The following ASB10 variants were observed in gnomAD, a reference collection of about 807,000 sequenced individuals.
The protein encoded by ASB10 is ankyrin repeat and SOCS box protein 10.
ASB10 carries 44 observed loss-of-function variants against 35.4 expected under a neutral mutation model. The ratio of observed to expected loss-of-function variants is 1.24; its 90% CI spans 0.98 to 1.60. The LOEUF (loss-of-function observed/expected upper bound fraction) is 1.60, where lower values mean the gene tolerates loss of function less well. Ranked by LOEUF, ASB10 falls within the 40% of genes most tolerant of loss-of-function variation. ASB10 has a pLI of 0.00. For synonymous variants in ASB10, 294 were observed against 280.4 expected, an observed-to-expected ratio of 1.05 and a Z score of -0.49; for missense variants, 647 against 634.3, an observed-to-expected ratio of 1.02 and a Z score of -0.22.
At chr7:151,179,732 T>G (rs1431826290) in intron 3 of ASB10, among the ~76,000 whole-genome samples, 1 of 152,160 alleles carries the variant, frequency 6.6e-6, no homozygotes, top group Non-Finnish European at 1.5e-5. Context: ...AGAGACAGGC[T>G]GAGAGGTGGA....
chr7:151,186,261 G>A, intron 2 of ASB10, 131 bp downstream of exon 2: 1 of 1,176,684 alleles, frequency 8.5e-7, no homozygotes, highest in Non-Finnish European at 1.2e-6. Flanking sequence ...GGAAGTAATT[G>A]CACCCTGACC....
At chr7:151,184,920 G>T (rs1256784180) in intron 2 of ASB10, among the ~76,000 whole-genome samples, 1 of 151,802 alleles carries the variant, frequency 6.6e-6, no homozygotes, top group Non-Finnish European at 1.5e-5. Context: ...TACTCGCGAG[G>T]CTGAGGCAGG....
In ASB10 at chr7:151,187,095, C is replaced by T. The variant is rs1351500110; in HGVS notation, c.36G>A (p.Gly12=). 4 of 1,601,390 alleles carry T rather than the reference C, an allele frequency of 2.5e-6. No homozygotes were observed. Among genetic ancestry groups the T allele is most frequent in the Admixed American group, 3.5e-5 (2 of 57,624 alleles). ...LMSWSPEECK[G]QGEPLDDRHP... ...GTCTGTCATCGAGGGGCTCTCCCTG[C>T]CCCTTGCACTCTTCTGGAGACCAAC... The change falls in exon 1 of 6, where the codon GGG becomes GGA. Residue 12 remains glycine, a synonymous_variant. Transcript: ENST00000420175. This position sits in a 1 kb window ranked among gnomAD's most constrained non-coding sequence, Gnocchi z 5.3.
rs763697610 is a variant in ASB10, at chr7:151,176,614, AAC to A, written c.1165_1166del (p.Val389CysfsTer14). 3.6e-5 allele frequency: 56 copies of A among 1,551,340 alleles called. No homozygotes were observed. In the Middle Eastern group the frequency reaches 5.0e-4, roughly 14 times the overall value. On this transcript the variant is annotated frameshift_variant, in exon 4 of 6. Transcript: ENST00000420175. LOFTEE classifies it high-confidence loss of function. ...TIEVLMNTYS[V>X]VQLPEEAVGL... ...CGACGGCCTCCTCGGGAAGCTGCACAACACTGTAGGTGTTCATCAGGACCTCG... is the reference window on the plus strand; with the variant it reads ...CGACGGCCTCCTCGGGAAGCTGCACAACTGTAGGTGTTCATCAGGACCTCG...
At chr7:151,177,313 GTTA>G (rs1283370275) in intron 3 of ASB10, among the ~76,000 whole-genome samples, 1 of 152,252 alleles carries the variant, frequency 6.6e-6, no homozygotes, top group East Asian at 1.9e-4. Context: ...AATATCCCAT[GTTA>G]TTATCCCATT....
chr7:151,179,440 G>A (rs1801448148), intron 3 of ASB10, among the ~76,000 whole-genome samples: 1 of 152,232 alleles, frequency 6.6e-6, no homozygotes, highest in Non-Finnish European at 1.5e-5. Flanking sequence ...GTTCCCCAGT[G>A]CTCTCCTACA....
chr7:151,187,657 CG>C (rs1801629031), upstream of ASB10: 1 of 1,523,374 alleles, frequency 6.6e-7, no homozygotes, highest in Non-Finnish European at 8.9e-7. The surrounding 1 kb of genome is among the most constrained non-coding windows in gnomAD (Gnocchi z 5.3). Context: ...TCCGGCAGGC[CG>C]GGGCGGAGGG....
In ASB10 at chr7:151,176,262, C is replaced by A; in HGVS notation, c.1254G>T (p.Leu418Phe). The A allele has an allele frequency of 6.3e-7, 1 of 1,576,660 alleles. No individual in the cohort carries two copies. The highest frequency in any genetic ancestry group is 8.6e-7 in the Non-Finnish European group (1 of 1,162,710). The change falls in exon 5 of 6, where the codon TTG (leucine) becomes TTT (phenylalanine). Residue 418 changes from leucine to phenylalanine, a missense_variant. Leu to Phe is a conservative substitution (Grantham distance 22). Transcript: ENST00000420175. ...HQRFYSSLFALVRQPRSLQHL... is the reference protein window; with the variant it reads ...HQRFYSSLFAFVRQPRSLQHL... ...GCTGCAGCGACCTGGGCTGCCTCACCAAGGCGAAGAGGGAGGAGTAGAAAC... is the reference window on the plus strand; with the variant it reads ...GCTGCAGCGACCTGGGCTGCCTCACAAAGGCGAAGAGGGAGGAGTAGAAAC...
intron 3 of ASB10, among the ~76,000 whole-genome samples, chr7:151,180,722 A>T (rs1801468804): frequency 6.6e-6 from 1 of 152,208 alleles, no homozygotes; most frequent in East Asian, 1.9e-4. Context: ...CACACCATGT[A>T]TACACATGCA....
chr7:151,175,781 C>T lies in ASB10; in HGVS notation c.*186G>A. ...CAGGAGAGCCCCAGTAGGAGTGTGTCTTCATCAGACATCACCCGGCTGCCG... is the reference window on the plus strand; with the variant it reads ...CAGGAGAGCCCCAGTAGGAGTGTGTTTTCATCAGACATCACCCGGCTGCCG... On this transcript the variant is annotated 3_prime_UTR_variant, in exon 6 of 6. Transcript: ENST00000420175. 8.7e-6 allele frequency: 3 copies of T among 346,338 alleles called. No homozygotes were observed. The highest frequency in any genetic ancestry group is 1.6e-5 in the Non-Finnish European group (3 of 188,930). The allele number at this position is 346,338 out of a possible 1,614,324, so 21.5% of individuals were successfully genotyped here.
At position 151,181,003 on chromosome 7, in the gene ASB10, T is replaced by C; in HGVS notation, c.1040A>G (p.Glu347Gly). 6.2e-7 allele frequency: 1 copy of C among 1,601,118 alleles called. No homozygotes were observed. Among genetic ancestry groups the C allele is most frequent in the Non-Finnish European group, 8.5e-7 (1 of 1,171,540 alleles). The change falls in exon 3 of 6, where the codon GAG (glutamate) becomes GGG (glycine). Residue 347 changes from glutamate to glycine, a missense_variant. Glu to Gly is a moderately conservative substitution (Grantham distance 98, BLOSUM62 -2). Transcript: ENST00000420175. The stretch of plus-strand genomic sequence containing the variant: ...GTTGAGCAGAGCCCGAACCACGTGC[T>C]CGGGGCTCTGGGCCAGGGCTGCAGC... ...GPAAALAQSP[E>G]HVVRALLNHG...
chr7:151,181,854 T>C (rs1375514098), intron 2 of ASB10, among the ~76,000 whole-genome samples: 2 of 152,126 alleles, frequency 1.3e-5, no homozygotes, highest in African/African-American at 4.8e-5. Flanking sequence ...CCTCAAGTGA[T>C]CCACCTGCCT....
intron 2 of ASB10, among the ~76,000 whole-genome samples, 156 bp from the exon 3 acceptor site, chr7:151,181,614 CTTT>C (rs34867888): frequency 4.4e-5 from 6 of 137,930 alleles, no homozygotes; most frequent in Non-Finnish European, 6.3e-5. Flanking sequence ...CAGTGCCCTT[CTTT>C]TTTTTTTTTT....
intron 3 of ASB10, among the ~76,000 whole-genome samples, chr7:151,179,714 T>G (rs1801451994): frequency 6.6e-6 from 1 of 152,158 alleles, no homozygotes. Flanking sequence ...GCCAGCCCCT[T>G]TGGTCCCAGA....
intron 2 of ASB10, among the ~76,000 whole-genome samples, chr7:151,184,551 G>A (rs942674138): frequency 6.6e-6 from 1 of 152,178 alleles, no homozygotes; most frequent in African/African-American, 2.4e-5. Flanking sequence ...TTCACATTCA[G>A]AGACAGAAAG....
Position 151,181,382 on chromosome 7 carries a change from C to T in ASB10, c.661G>A (p.Val221Met). The change falls in exon 3 of 6, where the codon GTG becomes ATG. Residue 221 changes from valine (V) to methionine (M), a missense_variant. Val to Met is a conservative substitution (Grantham distance 21). Transcript: ENST00000420175. ...SEEEEETPLH[V>M]AARLGHVELA... is the part of the protein sequence containing the mutation. ...TCCACATGGCCAAGCCGGGCGGCCA[C>T]ATGCAAAGGGGTCTCCTCTTCTTCC... 2 of 1,612,954 alleles carry T rather than the reference C, an allele frequency of 1.2e-6. No homozygotes were observed. The highest frequency in any genetic ancestry group is 1.7e-6 in the Non-Finnish European group (2 of 1,179,866).
chr7:151,184,147 C>T (rs951668209), intron 2 of ASB10, among the ~76,000 whole-genome samples: 1 of 152,030 alleles, frequency 6.6e-6, no homozygotes, highest in Non-Finnish European at 1.5e-5. Context: ...GGCGTGGTGG[C>T]TCACACCTGT....
At chr7:151,176,417 T>A in intron 4 of ASB10, 120 bp from the exon 5 acceptor site, 6 of 1,459,858 alleles carry the variant, frequency 4.1e-6, no homozygotes, top group Non-Finnish European at 5.4e-6. Flanking sequence ...TTAGAAACAA[T>A]GAATGTTTGA....
At position 151,186,876 on chromosome 7, in the gene ASB10, G is replaced by C. The variant is rs762412898; in HGVS notation, c.255C>G (p.Ser85=). Reference sequence around the variant, plus strand: ...GCTCTGGGTCGCTGGTATCAAAGACGGAATCAGGAGCCAGGCCAGTACTGG... The same window carrying C: ...GCTCTGGGTCGCTGGTATCAAAGACCGAATCAGGAGCCAGGCCAGTACTGG... The part of the protein sequence containing the change: ...ADSSTGLAPD[S]VFDTSDPERW... Residue 85 remains serine, a synonymous_variant, in exon 1 of 6, where the codon TCC becomes TCG. Coordinates refer to ENST00000420175, the MANE Select transcript of ASB10 (RefSeq NM_001142459.2). The C allele has an allele frequency of 1.2e-6, 2 of 1,613,398 alleles. No homozygotes were observed. The highest frequency in any genetic ancestry group is 1.7e-6 in the Non-Finnish European group (2 of 1,179,618).
Sources: allele counts gnomAD v4.1 joint callset (sites outside exome capture counted in the v4.1 genomes callset), GRCh38; gene constraint gnomAD v4.1.1; non-coding constraint Gnocchi (gnomAD v3.1); transcripts MANE v1.5; gene names NCBI Gene and HGNC (gene_info 2026-07-23, HGNC 2026-07-21).